Variants in L1CAM observed in about 807,000 individuals in gnomAD.
L1CAM encodes L1 cell adhesion molecule.
A neutral mutation model predicts 93.0 loss-of-function variants in L1CAM; 8 were observed. That is an observed-to-expected ratio of 0.09 (90% confidence interval 0.05 to 0.16). The LOEUF is 0.16. Ranked by LOEUF, L1CAM falls within the 10% of genes least tolerant of loss-of-function variation. The probability of loss-of-function intolerance (pLI) is 1.00; values close to 1 mark genes in which losing one functional copy is unlikely to be tolerated. For synonymous variants in L1CAM, 453 were observed against 453.0 expected (o/e 1.00, Z 0.00); for missense variants, 777 against 1,073.4 (o/e 0.72, Z 3.86).
chrX:153,864,543 C>A, intron 24 of L1CAM, 42 bp downstream of exon 24: 1 of 1,197,705 alleles, frequency 8.3e-7, no homozygotes, highest in Non-Finnish European at 1.1e-6. Context: ...TGGCCCAGAG[C>A]CCCCTTCCCC....
intron 5 of L1CAM, 122 bp downstream of exon 5, chrX:153,872,030 T>C (rs1362687608): frequency 5.5e-6 from 3 of 549,993 alleles, no homozygotes; most frequent in Non-Finnish European, 9.2e-6. Flanking sequence ...TGGGGTGGGG[T>C]GGAGGGCTGG....
intron 14 of L1CAM, 55 bp from the exon 15 acceptor site, chrX:153,868,177 T>C (rs1182953976): frequency 2.4e-6 from 2 of 819,784 alleles, no homozygotes; most frequent in African/African-American, 4.2e-5. Context: ...TCCCCTCCCA[T>C]CCCTCCCTCC....
chrX:153,869,766 C>G (rs782041401), intron 10 of L1CAM, 37 bp downstream of exon 10: 4 of 1,207,189 alleles, frequency 3.3e-6, no homozygotes, highest in Admixed American at 4.4e-5. Flanking sequence ...CCCCAGGGCT[C>G]GCCACACTCC....
At position 153,868,825 on chromosome X, in the gene L1CAM, A is replaced by T. The variant is rs782499345; in HGVS notation, c.1379+16T>A. On this transcript the variant is annotated intron_variant, in intron 12 of 28. Transcript: ENST00000370060. ...CTGGGACACGACACTCACCACTACC[A>T]GGACGAGACACTCACCACTGAACAC... 1 of 1,204,362 alleles carries T rather than the reference A, an allele frequency of 8.3e-7. No individual in the cohort carries two copies. Among genetic ancestry groups the T allele is most frequent in the Admixed American group, 2.2e-5 (1 of 46,108 alleles).
In L1CAM at chrX:153,864,488, G is replaced by C; in HGVS notation, c.3167-11C>G. On this transcript the variant is annotated splice_polypyrimidine_tract_variant and intron_variant, in intron 24 of 28. Coordinates refer to ENST00000370060, the MANE Select transcript of L1CAM (RefSeq NM_001278116.2). ...CCCCACCCTTCTCTTCTGCCAGGGA[G>C]AGAGGGTGGCAGCAGGGGTGAGTCG... The C allele has an allele frequency of 8.3e-7, 1 of 1,210,255 alleles. No homozygotes were observed. Among genetic ancestry groups the C allele is most frequent in the Non-Finnish European group, 1.1e-6 (1 of 894,113 alleles).
At chrX:153,869,094 C>T (rs1182658361) in intron 11 of L1CAM, 142 bp from the exon 12 acceptor site, 3 of 513,276 alleles carry the variant, frequency 5.8e-6, no homozygotes, top group Non-Finnish European at 1.0e-5. Flanking sequence ...AGGCCCCCGC[C>T]AGGCTGTGTC....
rs1379397341 is a variant in L1CAM, at chrX:153,862,112, G to A, written c.*551C>T. 1 of 114,607 alleles carries A rather than the reference G, an allele frequency of 8.7e-6. No homozygotes were observed. Among genetic ancestry groups the A allele is most frequent in the African/African-American group, 3.2e-5 (1 of 30,979 alleles). The allele number at this position is 114,607 out of a possible 1,213,427, so 9.4% of individuals were successfully genotyped here. On this transcript the variant is annotated 3_prime_UTR_variant, in exon 29 of 29. Transcript: ENST00000370060. ...GCTGCCAGAGTGCGATGCTGGGAGTGGGGGGACTCTGGGCTCTCCAGATGG... is the reference window on the plus strand; with the variant it reads ...GCTGCCAGAGTGCGATGCTGGGAGTAGGGGGACTCTGGGCTCTCCAGATGG...
rs991993488 is a variant in L1CAM at position 153,865,510 on chromosome X, C to T, written c.2548-10G>A. ...CCCTCCAGTACGTCACCTGCACAAGCGAACAGGAGACCTCGCAGGGGCAGA... is the reference window on the plus strand; with the variant it reads ...CCCTCCAGTACGTCACCTGCACAAGTGAACAGGAGACCTCGCAGGGGCAGA... On this transcript the variant is annotated splice_polypyrimidine_tract_variant and intron_variant, in intron 20 of 28. Coordinates refer to ENST00000370060, the MANE Select transcript of L1CAM (RefSeq NM_001278116.2). The T allele has an allele frequency of 2.5e-6, 3 of 1,205,211 alleles. No individual in the cohort carries two copies. Among genetic ancestry groups the T allele is most frequent in the African/African-American group, 1.7e-5 (1 of 57,702 alleles).
At position 153,868,927 on chromosome X, in the gene L1CAM, C is replaced by T. The variant is rs137967792; in HGVS notation, c.1293G>A (p.Ala431=). ...GGACAGCCATGTACGTCTGATTGTC[C>T]GCAGTCAGGATCTTGGCTGGCAGCT... ...VVQLPAKILT[A]DNQTYMAVQG... is the part of the protein sequence containing the mutation. Residue 431 remains alanine, a synonymous_variant, in exon 12 of 29, where the codon GCG becomes GCA. Coordinates refer to ENST00000370060, the MANE Select transcript of L1CAM (RefSeq NM_001278116.2). 197 of 1,209,719 alleles carry T rather than the reference C, an allele frequency of 1.6e-4. 1 individual carries two copies. In the East Asian group the frequency reaches 4.9e-3, roughly 30 times the overall value.
chrX:153,861,935 G>A lies in L1CAM; in HGVS notation c.*728C>T, dbSNP rs782254366. 8.1e-5 allele frequency: 9 copies of A among 111,238 alleles called. 1 individual carries two copies. Among genetic ancestry groups the A allele is most frequent in the East Asian group, 5.7e-4 (2 of 3,531 alleles). The allele number at this position is 111,238 out of a possible 1,213,427, so 9.2% of individuals were successfully genotyped here. On this transcript the variant is annotated 3_prime_UTR_variant, in exon 29 of 29. Coordinates refer to ENST00000370060, the MANE Select transcript of L1CAM (RefSeq NM_001278116.2). ...GGGGTGGGGGCGGCTGGAAGAGGCC[G>A]GCCAGTGGGCAGTGGGAGGAGGTGT...
chrX:153,866,318 A>G (rs1436012427), intron 19 of L1CAM, among the ~76,000 whole-genome samples: 1 of 109,421 alleles, frequency 9.1e-6, no homozygotes, highest in Non-Finnish European at 1.9e-5. Context: ...ATCTCAAAAA[A>G]AAAAAAAAAG....
chrX:153,885,446 G>C (rs2064872965), intron 1 of L1CAM: 1 of 967,490 alleles, frequency 1.0e-6, no homozygotes, highest in East Asian at 7.6e-5. Context: ...GGTGAGCCCG[G>C]AGGAGCCCAG....
Position 153,864,652 on chromosome X carries a change from G to A in L1CAM, c.3099C>T (p.Val1033=), listed in dbSNP as rs782495914. Residue 1033 remains valine (V), a synonymous_variant, in exon 24 of 29, where the codon GTC becomes GTT. Transcript: ENST00000370060. ...ISATAGENYS[V]VSWVPKEGQC... Reference sequence around the variant, plus strand: ...GGCCCTCCTTGGGGACCCAGGAGACGACACTGTAGTTTTCACCCGCTGTGG... The same window carrying A: ...GGCCCTCCTTGGGGACCCAGGAGACAACACTGTAGTTTTCACCCGCTGTGG... The A allele has an allele frequency of 6.6e-6, 8 of 1,209,249 alleles. No individual in the cohort carries two copies. The highest frequency in any genetic ancestry group is 5.3e-5 in the African/African-American group (3 of 57,096).
rs781885236 is a variant in L1CAM, at chrX:153,861,619, G to A, written c.*1044C>T. 1.8e-5 allele frequency: 2 copies of A among 111,563 alleles called. No homozygotes were observed. The highest frequency in any genetic ancestry group is 3.8e-4 in the South Asian group (1 of 2,664). 9.2% of individuals were successfully genotyped at this position (111,563 alleles called of 1,213,427 possible). On this transcript the variant is annotated 3_prime_UTR_variant, in exon 29 of 29. Transcript: ENST00000370060. ...GGGCTTATCAGTAGACCAAGCACAGGCATACAGGGAGGCTGTGGCTGCTGA... is the reference window on the plus strand; with the variant it reads ...GGGCTTATCAGTAGACCAAGCACAGACATACAGGGAGGCTGTGGCTGCTGA...
At chrX:153,882,104 C>T (rs2064848078) in intron 1 of L1CAM, among the ~76,000 whole-genome samples, 1 of 111,029 alleles carries the variant, frequency 9.0e-6, no homozygotes, top group Non-Finnish European at 1.9e-5. Context: ...GTGGGGGTGC[C>T]TGGAAACAGC....
At position 153,864,012 on chromosome X, in the gene L1CAM, C is replaced by T; in HGVS notation, c.3328G>A (p.Val1110Met). The change falls in exon 26 of 29, where the codon GTG becomes ATG. Residue 1110 changes from valine (V) to methionine (M), a missense_variant. Val to Met is a conservative substitution (Grantham distance 21). This residue lies in a region of L1CAM where 110 missense variants were observed against 141.7 expected (regional missense o/e 0.78). Transcript: ENST00000370060. ...MAVKTNGTGR[V>M]RLPPAGFATE... ...GCGAAGCCAGCAGGAGGGAGCCTCA[C>T]GCGGCCTGAGGGTGAGACACCAGCC... The T allele has an allele frequency of 1.7e-6, 2 of 1,212,047 alleles. No homozygotes were observed. The highest frequency in any genetic ancestry group is 1.8e-5 in the South Asian group (1 of 56,971).
chrX:153,870,513 G>A lies in L1CAM; in HGVS notation c.695-14C>T. On this transcript the variant is annotated splice_polypyrimidine_tract_variant and intron_variant, in intron 7 of 28. Coordinates refer to ENST00000370060, the MANE Select transcript of L1CAM (RefSeq NM_001278116.2). ...TCATGCTGTTGGCTGCCAGGAGAAA[G>A]TGGGTGGGTGGGCTGCCCACTCTTC... The A allele has an allele frequency of 3.4e-6, 4 of 1,169,500 alleles. No homozygotes were observed. The highest frequency in any genetic ancestry group is 4.7e-6 in the Non-Finnish European group (4 of 857,520).
intron 1 of L1CAM, among the ~76,000 whole-genome samples, chrX:153,881,944 C>T (rs2064846964): frequency 1.8e-5 from 2 of 112,187 alleles, no homozygotes; most frequent in African/African-American, 3.2e-5. Context: ...GGGGCTTCAG[C>T]GGCCAGGCCA....
At chrX:153,875,477 C>G (rs956103707) in intron 2 of L1CAM, among the ~76,000 whole-genome samples, 5 of 111,652 alleles carry the variant, frequency 4.5e-5, no homozygotes, top group Admixed American at 9.4e-5. Flanking sequence ...GGAGGAGGCC[C>G]AAGACCTCGG....
Sources: allele counts gnomAD v4.1 joint callset (sites outside exome capture counted in the v4.1 genomes callset), GRCh38; gene constraint gnomAD v4.1.1; regional missense constraint gnomAD v4.1.1; transcripts MANE v1.5; gene names NCBI Gene and HGNC (gene_info 2026-07-23, HGNC 2026-07-21).